The following GAS7 variants were observed in gnomAD, a reference collection of about 807,000 sequenced individuals.
GAS7 encodes growth arrest-specific protein 7.
Under a neutral mutation model 71.1 loss-of-function variants are expected in GAS7, and 28 were observed. The observed-to-expected ratio is 0.39, with a 90% CI of 0.29 to 0.54. The LOEUF is 0.54. Ranked by LOEUF, GAS7 falls within the 20% of genes least tolerant of loss-of-function variation. GAS7 has a pLI of 0.62. For synonymous variants in GAS7, 258 were observed against 245.8 expected, an observed-to-expected ratio of 1.05 and a Z score of -0.46; for missense variants, 436 against 627.8, an observed-to-expected ratio of 0.69 and a Z score of 3.27.
At chr17:10,043,985 C>T (rs1335339165) in intron 1 of GAS7, among the ~76,000 whole-genome samples, 4 of 152,150 alleles carry the variant, frequency 2.6e-5, no homozygotes, top group African/African-American at 4.8e-5. Context: ...CAGTACTGTA[C>T]TGTATTTACT....
rs767129328 is a variant in GAS7, at chr17:9,946,978, G to A, written c.531C>T (p.Asn177=). 11 of 1,609,580 alleles carry A rather than the reference G, an allele frequency of 6.8e-6. No homozygotes were observed. The South Asian group carries it at 1.1e-4, about 16-fold the overall frequency. Residue 177 remains asparagine (N), a synonymous_variant, in exon 6 of 14, where the codon AAC becomes AAT. Transcript: ENST00000432992. ...KQSKENTITI[N]CVTFPHPDTM... is the part of the protein sequence containing the mutation. The stretch of plus-strand genomic sequence containing the variant: ...TGTCTGGGTGAGGGAACGTCACACA[G>A]TTTATCTGTAGGGCACAGAACAAGA...
rs2067727409 is a variant in GAS7 at position 9,919,762 on chromosome 17, G to A, written c.1139-57C>T. 3.9e-6 allele frequency: 5 copies of A among 1,284,334 alleles called. No individual in the cohort carries two copies. Among genetic ancestry groups the A allele is most frequent in the South Asian group, 1.2e-5 (1 of 84,652 alleles). The allele number at this position is 1,284,334 out of a possible 1,614,324, so 79.6% of individuals were successfully genotyped here. ...CATCCTATCCTCACCATGACTCTGT[G>A]CCCCACCCTGAGCCCCACAGCCAAG... On this transcript the variant is annotated intron_variant, in intron 11 of 13. Coordinates refer to ENST00000432992, the MANE Select transcript of GAS7 (RefSeq NM_201433.2). The surrounding 1 kb of genome is among the most constrained non-coding windows in gnomAD (Gnocchi z 5.0).
chr17:10,039,071 G>T (rs2072812694), intron 1 of GAS7, among the ~76,000 whole-genome samples: 1 of 151,984 alleles, frequency 6.6e-6, no homozygotes, highest in South Asian at 2.1e-4. Flanking sequence ...GTGTTTAATG[G>T]GTCCAGAGTG....
chr17:10,070,244 C>T (rs1175758591), intron 1 of GAS7, among the ~76,000 whole-genome samples: 1 of 151,858 alleles, frequency 6.6e-6, no homozygotes, highest in East Asian at 1.9e-4. Flanking sequence ...ATTTATTCGC[C>T]AACTTTTGTG....
chr17:9,917,497 A>T (rs1450709626), intron 13 of GAS7, among the ~76,000 whole-genome samples, 156 bp from the exon 14 acceptor site: 1 of 152,156 alleles, frequency 6.6e-6, no homozygotes, highest in Non-Finnish European at 1.5e-5. Flanking sequence ...GGGACAGCAC[A>T]TGAAGAGGGC....
chr17:10,185,670 T>A (rs1424651910), intron 1 of GAS7, among the ~76,000 whole-genome samples: 1 of 152,190 alleles, frequency 6.6e-6, no homozygotes, highest in Admixed American at 6.5e-5. Flanking sequence ...CTACTTGACA[T>A]ATGAAGTGGG....
chr17:10,049,685 A>C, intron 1 of GAS7, among the ~76,000 whole-genome samples: 1 of 118,502 alleles, frequency 8.4e-6, no homozygotes, highest in Non-Finnish European at 1.6e-5. Context: ...CAGTGGCGCG[A>C]TCTTGGCTCA....
chr17:10,192,158 C>T (rs1244868151), intron 1 of GAS7, among the ~76,000 whole-genome samples: 1 of 152,184 alleles, frequency 6.6e-6, no homozygotes, highest in East Asian at 1.9e-4. Context: ...TTCTGGTCAG[C>T]CAAGGAAAAG....
chr17:10,146,451 A>G (rs1214401038), intron 1 of GAS7, among the ~76,000 whole-genome samples: 1 of 152,142 alleles, frequency 6.6e-6, no homozygotes, highest in East Asian at 1.9e-4. Flanking sequence ...AATCCTCCAG[A>G]GCCTCGCCAC....
At chr17:10,169,250 G>A (rs1033248888) in intron 1 of GAS7, among the ~76,000 whole-genome samples, 28 of 151,882 alleles carry the variant, frequency 1.8e-4, no homozygotes, top group African/African-American at 6.8e-4. Context: ...TGGGCAACAA[G>A]AGCAAGACTT....
rs192411650 is a variant in GAS7 at position 10,026,358 on chromosome 17, C to T, written c.184-6461G>A. The T allele has an allele frequency of 3.3e-6, 3 of 912,900 alleles. No individual in the cohort carries two copies. In the Admixed American group the frequency reaches 1.9e-4, roughly 56 times the overall value. 56.5% of individuals were successfully genotyped at this position (912,900 alleles called of 1,614,324 possible). ...CCCCCACACCCAGATCTATATATAACAGCTCTGAAGTTGTCAGCCTAACGA... is the reference window on the plus strand; with the variant it reads ...CCCCCACACCCAGATCTATATATAATAGCTCTGAAGTTGTCAGCCTAACGA... On this transcript the variant is annotated intron_variant, in intron 1 of 13. Coordinates refer to ENST00000432992, the MANE Select transcript of GAS7 (RefSeq NM_201433.2). This position sits in a 1 kb window ranked among gnomAD's most constrained non-coding sequence, Gnocchi z 4.5.
intron 7 of GAS7, among the ~76,000 whole-genome samples, chr17:9,940,810 T>C (rs889133988): frequency 5.9e-5 from 9 of 152,258 alleles, no homozygotes; most frequent in African/African-American, 1.7e-4. Flanking sequence ...AGGCAGGCCT[T>C]TGACACATTT....
rs1192849216 is a variant in GAS7, at chr17:9,926,440, AC to A, written c.1014+200del. Among the ~76,000 whole-genome samples the A allele has an allele frequency of 2.0e-5, 3 of 152,164 alleles. No homozygotes were observed. Among genetic ancestry groups the A allele is most frequent in the Non-Finnish European group, 2.9e-5 (2 of 68,010 alleles). On this transcript the variant is annotated intron_variant, in intron 10 of 13. Coordinates refer to ENST00000432992, the MANE Select transcript of GAS7 (RefSeq NM_201433.2). The surrounding 1 kb of genome is among the most constrained non-coding windows in gnomAD (Gnocchi z 5.0). Reference sequence around the variant, plus strand: ...TGGCCCTCTGGGTGGTCATTCCAGCACCACAGGGAGGCAGCTCCTATCTGCC... The same window carrying A: ...TGGCCCTCTGGGTGGTCATTCCAGCACACAGGGAGGCAGCTCCTATCTGCC...
At position 10,084,395 on chromosome 17, in the gene GAS7, G is replaced by C. The variant is rs1381880905; in HGVS notation, c.184-64498C>G. Among the ~76,000 whole-genome samples the C allele has an allele frequency of 2.0e-5, 3 of 152,252 alleles. No individual in the cohort carries two copies. The South Asian group carries it at 6.2e-4, about 32-fold the overall frequency. On this transcript the variant is annotated intron_variant, in intron 1 of 13. Coordinates refer to ENST00000432992, the MANE Select transcript of GAS7 (RefSeq NM_201433.2). ...GTCCTGGCGTCTCTTTTTCAGAAAA[G>C]AGGCCCCAAGTGAGATTTGTCCAAG... is the stretch of plus-strand genomic sequence containing the variant.
chr17:10,196,799 G>A (rs76897979), intron 1 of GAS7, among the ~76,000 whole-genome samples: 1,969 of 152,270 alleles, frequency 0.013, 49 homozygotes, highest in African/African-American at 0.044. Context: ...GAAACAAGGA[G>A]GCCCCTTGCT....
At chr17:10,065,989 GC>G (rs138091948) in intron 1 of GAS7, among the ~76,000 whole-genome samples, 6,937 of 152,288 alleles carry the variant, frequency 0.046, 197 homozygotes, top group Middle Eastern at 0.065. Context: ...TCTATCCGGA[GC>G]TCAAGTTAGG....
At chr17:10,173,635 G>A (rs1049053904) in intron 1 of GAS7, among the ~76,000 whole-genome samples, 3 of 152,152 alleles carry the variant, frequency 2.0e-5, no homozygotes, top group East Asian at 1.9e-4. Context: ...GGGTGTGGCA[G>A]CGGGTGCCAG....
At chr17:9,994,867 T>A (rs1346212616) in intron 2 of GAS7, among the ~76,000 whole-genome samples, 1 of 152,176 alleles carries the variant, frequency 6.6e-6, no homozygotes, top group Non-Finnish European at 1.5e-5. Flanking sequence ...CAAAGTCTTA[T>A]CTTAAGCCCC....
At chr17:10,125,496 G>A (rs1256540607) in intron 1 of GAS7, among the ~76,000 whole-genome samples, 3 of 140,040 alleles carry the variant, frequency 2.1e-5, no homozygotes, top group Admixed American at 1.6e-4. Flanking sequence ...TTGCACTCCA[G>A]CCTGGGTGAC....
Sources: gnomAD v4.1 joint callset for allele counts (sites outside exome capture counted in the v4.1 genomes callset) on GRCh38, gnomAD v4.1.1 for gene constraint, Gnocchi (gnomAD v3.1) non-coding constraint, MANE v1.5 for transcripts, NCBI Gene and HGNC (gene_info 2026-07-23, HGNC 2026-07-21) for gene names.